The following UTRN variants were observed in gnomAD, a reference collection of about 807,000 sequenced individuals.
UTRN encodes dystrophin-related protein 1.
Under a neutral mutation model 463.9 loss-of-function variants are expected in UTRN, and 283 were observed. The ratio of observed to expected loss-of-function variants is 0.61; its 90% confidence interval spans 0.55 to 0.67. The LOEUF (loss-of-function observed/expected upper bound fraction) is 0.67. UTRN is among the 30% of genes least tolerant of loss of function. The pLI, the probability that UTRN is intolerant of heterozygous loss-of-function variation, is 0.00. For synonymous variants in UTRN, 1,442 were observed against 1,431.5 expected (o/e 1.01, Z -0.17); for missense variants, 3,922 against 4,084.3 (o/e 0.96, Z 1.08).
intron 53 of UTRN, 67 bp from the exon 54 acceptor site, chr6:144,730,290 T>C (rs1788377671): frequency 2.1e-6 from 3 of 1,434,574 alleles, no homozygotes; most frequent in Admixed American, 4.5e-5. Flanking sequence ...GTGGTATAGT[T>C]GAAGATGTCC....
intron 51 of UTRN, among the ~76,000 whole-genome samples, chr6:144,625,796 C>T (rs1247074466): frequency 6.6e-6 from 1 of 152,140 alleles, no homozygotes; most frequent in Non-Finnish European, 1.5e-5. Flanking sequence ...TTTTTGCTTT[C>T]ATGGGGCCAG....
chr6:144,366,664 G>C (rs1031536989), intron 2 of UTRN, among the ~76,000 whole-genome samples: 2 of 152,098 alleles, frequency 1.3e-5, no homozygotes, highest in South Asian at 4.1e-4. Flanking sequence ...GGGCATTTAG[G>C]TTGACTCCAT....
chr6:144,826,354 A>C (rs1780184560), intron 66 of UTRN, among the ~76,000 whole-genome samples: 1 of 152,104 alleles, frequency 6.6e-6, no homozygotes, highest in African/African-American at 2.4e-5. Flanking sequence ...AGGTATGTAT[A>C]ATAGAAATAG....
intron 14 of UTRN, 61 bp from the exon 15 acceptor site, chr6:144,447,150 G>T: frequency 2.0e-6 from 3 of 1,485,936 alleles, no homozygotes; most frequent in South Asian, 1.2e-5. Flanking sequence ...TTGGATGCAT[G>T]ATTTAATTGA....
chr6:144,342,668 G>A (rs1009707697), intron 2 of UTRN, among the ~76,000 whole-genome samples: 10 of 152,162 alleles, frequency 6.6e-5, no homozygotes, highest in Non-Finnish European at 1.5e-4. Flanking sequence ...GTACAGAATA[G>A]GTAACTCTAT....
rs1443460127 is a variant in UTRN, at chr6:144,388,740, AGTCCACCCACTTGG to A, written c.80-14381_80-14368del. The stretch of plus-strand genomic sequence containing the variant: ...TGTTGCCCAGGCTGGTGGCTCAAGC[AGTCCACCCACTTGG>A]GCCTCCCAAAGTGCTGGGATTACAT... On this transcript the variant is annotated intron_variant, in intron 2 of 74. Coordinates refer to ENST00000367545, the MANE Select transcript of UTRN (RefSeq NM_007124.3). Among the ~76,000 whole-genome samples, 7 of 152,232 alleles carry A rather than the reference AGTCCACCCACTTGG, an allele frequency of 4.6e-5. No homozygotes were observed. The East Asian group carries it at 1.2e-3, about 25-fold the overall frequency.
rs750129271 is a variant in UTRN at position 144,740,570 on chromosome 6, C to T, written c.7940-7676C>T. ...AGTAAAGTTGTAATGCATGAAAAAG[C>T]GCAGAAAAATATAATGTTACTTTCT... On this transcript the variant is annotated intron_variant, in intron 54 of 74. Coordinates refer to ENST00000367545, the MANE Select transcript of UTRN (RefSeq NM_007124.3). Among the ~76,000 whole-genome samples, 8 of 152,130 alleles carry T rather than the reference C, an allele frequency of 5.3e-5. No individual in the cohort carries two copies. In the East Asian group the frequency reaches 7.7e-4, roughly 15 times the overall value.
intron 65 of UTRN, among the ~76,000 whole-genome samples, chr6:144,811,957 T>TA (rs1200659294): frequency 2.6e-5 from 4 of 152,174 alleles, no homozygotes; most frequent in African/African-American, 9.7e-5. Context: ...TGACTTTTTT[T>TA]ATATAACCTT....
At chr6:144,363,013 TG>T (rs1316663667) in intron 2 of UTRN, among the ~76,000 whole-genome samples, 1 of 152,212 alleles carries the variant, frequency 6.6e-6, no homozygotes, top group African/African-American at 2.4e-5. Flanking sequence ...TTTAATTTTT[TG>T]GGTATGGTTT....
In UTRN at chr6:144,828,885, G is replaced by A; in HGVS notation, c.9665+30G>A. ...GTAAATCATGAAATTAGTGCTGCCT[G>A]GGAAGGCTAGTTCTTGTATTATGGC... On this transcript the variant is annotated intron_variant, in intron 69 of 74. Coordinates refer to ENST00000367545, the MANE Select transcript of UTRN (RefSeq NM_007124.3). The A allele has an allele frequency of 1.9e-6, 3 of 1,607,010 alleles. No homozygotes were observed. In the South Asian group the frequency reaches 3.3e-5, roughly 18 times the overall value.
At chr6:144,734,245 G>T (rs553226901) in intron 54 of UTRN, among the ~76,000 whole-genome samples, 1 of 152,018 alleles carries the variant, frequency 6.6e-6, no homozygotes, top group Non-Finnish European at 1.5e-5. Context: ...GAAACAAGCC[G>T]AAACTGTAGA....
At chr6:144,348,745 A>C (rs1777824633) in intron 2 of UTRN, among the ~76,000 whole-genome samples, 1 of 151,764 alleles carries the variant, frequency 6.6e-6, no homozygotes, top group Non-Finnish European at 1.5e-5. Flanking sequence ...GACCAGCCTG[A>C]CCAACATGGA....
At chr6:144,479,176 T>C (rs1270806463) in intron 25 of UTRN, among the ~76,000 whole-genome samples, 1 of 144,830 alleles carries the variant, frequency 6.9e-6, no homozygotes, top group Non-Finnish European at 1.5e-5. Flanking sequence ...TAGAGTGCAG[T>C]GGTGCGATCT....
intron 39 of UTRN, among the ~76,000 whole-genome samples, chr6:144,520,078 G>T (rs1795957850): frequency 6.6e-6 from 1 of 152,168 alleles, no homozygotes; most frequent in Admixed American, 6.5e-5. Flanking sequence ...TTGGTCTTTT[G>T]GAAAACAGAT....
intron 2 of UTRN, among the ~76,000 whole-genome samples, chr6:144,387,367 G>A (rs942564176): frequency 6.6e-6 from 1 of 152,116 alleles, no homozygotes; most frequent in South Asian, 2.1e-4. Context: ...TTGAACTCCT[G>A]ACCTTAAGTG....
At chr6:144,517,387 G>A (rs1795716671) in intron 39 of UTRN, among the ~76,000 whole-genome samples, 1 of 150,428 alleles carries the variant, frequency 6.6e-6, no homozygotes, top group South Asian at 2.1e-4. Context: ...TTTTAAAGAT[G>A]GGGTATCTCT....
At chr6:144,815,604 G>A (rs1395145621) in intron 65 of UTRN, among the ~76,000 whole-genome samples, 1 of 152,212 alleles carries the variant, frequency 6.6e-6, no homozygotes, top group African/African-American at 2.4e-5. Context: ...GTTTATGTTC[G>A]AGGGCAGGAA....
chr6:144,505,904 C>A (rs971054176), intron 34 of UTRN, among the ~76,000 whole-genome samples: 111 of 152,234 alleles, frequency 7.3e-4, no homozygotes, highest in Non-Finnish European at 2.8e-4. Context: ...CTTTGTAGGT[C>A]TCTAAGAACT....
chr6:144,469,256 C>CCT (rs1349069745), intron 23 of UTRN, among the ~76,000 whole-genome samples: 13 of 152,288 alleles, frequency 8.5e-5, no homozygotes, highest in African/African-American at 3.1e-4. Context: ...TCCTGTGGTG[C>CCT]CTCTGATGGG....
Sources: allele counts gnomAD v4.1 joint callset (sites outside exome capture counted in the v4.1 genomes callset), GRCh38; gene constraint gnomAD v4.1.1; transcripts MANE v1.5; gene names NCBI Gene and HGNC (gene_info 2026-07-23, HGNC 2026-07-21).